ZFYVE16: variants seen among roughly 807,000 people sequenced by gnomAD.
The protein encoded by ZFYVE16 is zinc finger FYVE-type containing 16.
ZFYVE16 carries 89 observed loss-of-function variants against 138.1 expected under a neutral mutation model. That is an observed-to-expected ratio of 0.64 (90% CI 0.54 to 0.77). The LOEUF (loss-of-function observed/expected upper bound fraction) is 0.77, where lower values mean the gene tolerates loss of function less well. Among genes scored for constraint, ZFYVE16 ranks in the 30% least tolerant of loss-of-function variants. ZFYVE16 has a pLI of 0.00. For synonymous variants in ZFYVE16, 596 were observed against 618.3 expected, an observed-to-expected ratio of 0.96 and a Z score of 0.53; for missense variants, 1,793 against 1,786.7, an observed-to-expected ratio of 1.00 and a Z score of -0.06.
chr5:80,451,454 A>G, intron 10 of ZFYVE16, 31 bp from the exon 11 acceptor site: 1 of 1,538,308 alleles, frequency 6.5e-7, no homozygotes, highest in Non-Finnish European at 8.8e-7. Context: ...AAAACAACTT[A>G]AAATCTTTTT....
At chr5:80,465,361 C>A (rs1451563212) in intron 15 of ZFYVE16, among the ~76,000 whole-genome samples, 1 of 113,754 alleles carries the variant, frequency 8.8e-6, no homozygotes, top group Non-Finnish European at 1.9e-5. Context: ...ATTCCACTGT[C>A]TTCTGGCCTC....
In ZFYVE16 at chr5:80,482,485, AT is replaced by A. The variant is rs1175896120; in HGVS notation, c.*5109del. 2.0e-5 allele frequency: 3 copies of A among 152,362 alleles called. No homozygotes were observed. Among genetic ancestry groups the A allele is most frequent in the East Asian group, 1.9e-4 (1 of 5,186 alleles). The allele number at this position is 152,362 out of a possible 1,614,324, so 9.4% of individuals were successfully genotyped here. ...CAGAAAGAACAATTGGAAGAAAAAA[AT>A]ATCTGAAGAAATAATAGCTAAAAAC... On this transcript the variant is annotated 3_prime_UTR_variant, in exon 19 of 19. Coordinates refer to ENST00000505560, the MANE Select transcript of ZFYVE16 (RefSeq NM_001284236.3).
At chr5:80,420,287 T>A (rs1476525438) in intron 1 of ZFYVE16, among the ~76,000 whole-genome samples, 2 of 151,748 alleles carry the variant, frequency 1.3e-5, no homozygotes, top group African/African-American at 4.8e-5. Context: ...TTATTTTTAT[T>A]ATTATTTATT....
In ZFYVE16 at chr5:80,440,290, A is replaced by G. The variant is rs1750519646; in HGVS notation, c.2419+258A>G. The G allele has an allele frequency of 1.6e-5, 18 of 1,104,556 alleles. No individual in the cohort carries two copies. The South Asian group carries it at 5.7e-4, about 35-fold the overall frequency. 68.4% of individuals were successfully genotyped at this position (1,104,556 alleles called of 1,614,324 possible). A position where few individuals can be genotyped will look rare whatever the true frequency, so the allele number is the denominator to read the frequency against. On this transcript the variant is annotated intron_variant, in intron 5 of 18. Transcript: ENST00000505560. Reference sequence around the variant, plus strand: ...CTTTTAACAGGTACCAAGTCCCTAAATGCTGCATTTCATCTGCCTATTTGT... The same window carrying G: ...CTTTTAACAGGTACCAAGTCCCTAAGTGCTGCATTTCATCTGCCTATTTGT...
chr5:80,463,377 C>T (rs1753343421), intron 15 of ZFYVE16, among the ~76,000 whole-genome samples: 1 of 152,144 alleles, frequency 6.6e-6, no homozygotes, highest in African/African-American at 2.4e-5. Flanking sequence ...GAAGCAATGG[C>T]CTGAGCTATA....
intron 1 of ZFYVE16, chr5:80,409,614 C>CT (rs1745129683): frequency 6.6e-6 from 1 of 152,184 alleles, no homozygotes; most frequent in Non-Finnish European, 1.5e-5. Flanking sequence ...TTGCGAATCA[C>CT]TTTAATGTCT....
intron 8 of ZFYVE16, among the ~76,000 whole-genome samples, chr5:80,448,991 C>T (rs557410035): frequency 2.8e-4 from 43 of 152,164 alleles, no homozygotes; most frequent in African/African-American, 7.5e-4. Context: ...CGGTTCTCTG[C>T]GTGATAATGT....
Position 80,479,747 on chromosome 5 carries a change from A to G in ZFYVE16, c.*2370A>G, listed in dbSNP as rs1192903523. Among the ~76,000 whole-genome samples, 1 of 152,180 alleles carries G rather than the reference A, an allele frequency of 6.6e-6. No homozygotes were observed. Among genetic ancestry groups the G allele is most frequent in the African/African-American group, 2.4e-5 (1 of 41,444 alleles). On this transcript the variant is annotated 3_prime_UTR_variant, in exon 19 of 19. Transcript: ENST00000505560. ...AAGAGAATAAGAGAAGCAAGCATGT[A>G]CCCTTACTCTGACAACCTTATGAGT...
intron 1 of ZFYVE16, among the ~76,000 whole-genome samples, chr5:80,426,214 GTGTGTGTGTGTGTGTA>G (rs1315216765): frequency 1.4e-5 from 2 of 145,294 alleles, no homozygotes; most frequent in South Asian, 2.2e-4. Flanking sequence ...GTGTGTGTGT[GTGTGTGTGTGTGTGTA>G]TGTGTGTGTG....
chr5:80,430,241 C>T lies in ZFYVE16; in HGVS notation c.-40+2696C>T, dbSNP rs530896075. 9.2e-3 allele frequency among the ~76,000 whole-genome samples: 1,395 copies of T among 152,236 alleles called. 24 individuals carry two copies. The highest frequency in any genetic ancestry group is 0.033 in the African/African-American group (1,361 of 41,516). ...GAACAGAAATTATAACAAACTGTCT[C>T]TCAGACCACAGTGCAATCAAACTAG... On this transcript the variant is annotated intron_variant, in intron 2 of 18. Transcript: ENST00000505560.
chr5:80,481,166 C>T lies in ZFYVE16; in HGVS notation c.*3789C>T, dbSNP rs550708209. On this transcript the variant is annotated 3_prime_UTR_variant, in exon 19 of 19. Transcript: ENST00000505560. Reference sequence around the variant, plus strand: ...GACTTTCCTTGCTCTACATCAATCCCGCAGCAGTAAAGAGGTATCACTCTT... The same window carrying T: ...GACTTTCCTTGCTCTACATCAATCCTGCAGCAGTAAAGAGGTATCACTCTT... 1.3e-5 allele frequency among the ~76,000 whole-genome samples: 2 copies of T among 152,218 alleles called. No individual in the cohort carries two copies. Among genetic ancestry groups the T allele is most frequent in the African/African-American group, 2.4e-5 (1 of 41,524 alleles).
chr5:80,438,560 C>T lies in ZFYVE16; in HGVS notation c.1875C>T (p.Thr625=). ...TTCCAGTTCAACAAGGGTTACCTACCAGTAAGTCTGAGATTACAAATCAAT... is the reference window on the plus strand; with the variant it reads ...TTCCAGTTCAACAAGGGTTACCTACTAGTAAGTCTGAGATTACAAATCAAT... ...STIPVQQGLP[T]SKSEITNQLS... The change falls in exon 4 of 19, where the codon ACC becomes ACT. Residue 625 remains threonine (T), a synonymous_variant. Coordinates refer to ENST00000505560, the MANE Select transcript of ZFYVE16 (RefSeq NM_001284236.3). 2.5e-6 allele frequency: 4 copies of T among 1,614,042 alleles called. No homozygotes were observed. The highest frequency in any genetic ancestry group is 3.4e-6 in the Non-Finnish European group (4 of 1,179,958).
intron 15 of ZFYVE16, among the ~76,000 whole-genome samples, chr5:80,463,184 G>A (rs773619411): frequency 1.6e-4 from 24 of 152,308 alleles, no homozygotes; most frequent in Non-Finnish European, 1.5e-4. Flanking sequence ...CTTCTGCACT[G>A]CCCTAGCAGA....
rs2544602 is a variant in ZFYVE16, at chr5:80,449,406, T to G, written c.3104-185T>G. On this transcript the variant is annotated intron_variant, in intron 8 of 18. Coordinates refer to ENST00000505560, the MANE Select transcript of ZFYVE16 (RefSeq NM_001284236.3). ...ATATATGCATTACAGTATTAGTAAC[T>G]TTACATGGAAAGAGGTAAAAATTAG... Among the ~76,000 whole-genome samples, 215 of 152,308 alleles carry G rather than the reference T, an allele frequency of 1.4e-3. 1 individual carries two copies. The highest frequency in any genetic ancestry group is 4.8e-3 in the African/African-American group (200 of 41,582).
chr5:80,447,909 C>A, intron 7 of ZFYVE16, 117 bp from the exon 8 acceptor site: 1 of 871,852 alleles, frequency 1.1e-6, no homozygotes, highest in Non-Finnish European at 1.6e-6. Context: ...TTTCTGAACG[C>A]ATTTTGGTTT....
rs952702904 is a variant in ZFYVE16, at chr5:80,448,054, C to G, written c.2753C>G (p.Ser918Cys). 12 of 1,611,262 alleles carry G rather than the reference C, an allele frequency of 7.4e-6. No individual in the cohort carries two copies. The highest frequency in any genetic ancestry group is 9.3e-6 in the Non-Finnish European group (11 of 1,178,574). The change falls in exon 8 of 19, where the codon TCT becomes TGT. Residue 918 changes from serine to cysteine, a missense_variant. Physicochemically the swap from Ser to Cys is moderately radical, Grantham distance 112. Coordinates refer to ENST00000505560, the MANE Select transcript of ZFYVE16 (RefSeq NM_001284236.3). ...GTAAACACAGTGGATCATTCCCATT[C>G]TACTACAGTGGAAAAGCCAAACAAT... ...MTVNTVDHSH[S>C]TTVEKPNNET...
At chr5:80,459,538 T>C in intron 15 of ZFYVE16, 44 bp downstream of exon 15, 1 of 1,520,924 alleles carries the variant, frequency 6.6e-7, no homozygotes, top group Non-Finnish European at 9.0e-7. Context: ...AGAGTTATTT[T>C]TCCTAACCTT....
intron 1 of ZFYVE16, chr5:80,411,700 T>G (rs757837004): frequency 1.3e-5 from 2 of 152,310 alleles, no homozygotes; most frequent in African/African-American, 2.4e-5. Context: ...TTTATCTATC[T>G]CAGACTTCTC....
chr5:80,432,351 A>T (rs1749174798), intron 2 of ZFYVE16, among the ~76,000 whole-genome samples: 2 of 152,248 alleles, frequency 1.3e-5, no homozygotes, highest in Non-Finnish European at 2.9e-5. Flanking sequence ...TCCCTATTTA[A>T]CAAATGGTGC....
Sources: allele counts gnomAD v4.1 joint callset (sites outside exome capture counted in the v4.1 genomes callset), GRCh38; gene constraint gnomAD v4.1.1; transcripts MANE v1.5; gene names NCBI Gene and HGNC (gene_info 2026-07-23, HGNC 2026-07-21).